The following NKAIN2 variants were observed in gnomAD, a reference collection of about 807,000 sequenced individuals.
NKAIN2 encodes the protein sodium/potassium-transporting ATPase subunit beta-1-interacting protein 2.
In NKAIN2, 14 loss-of-function variants were observed where a neutral mutation model predicts 32.6. The observed-to-expected ratio is 0.43, with a 90% CI of 0.28 to 0.67. The LOEUF (loss-of-function observed/expected upper bound fraction) is 0.67, where lower values mean the gene tolerates loss of function less well. Among genes scored for constraint, NKAIN2 ranks in the 30% least tolerant of loss-of-function variants. NKAIN2 has a pLI of 0.17. For synonymous variants in NKAIN2, 80 were observed against 87.2 expected (o/e 0.92, Z 0.46); for missense variants, 198 against 258.3 (o/e 0.77, Z 1.60).
chr6:124,452,536 AC>A (rs1344141922), intron 3 of NKAIN2, among the ~76,000 whole-genome samples: 6 of 152,128 alleles, frequency 3.9e-5, no homozygotes, highest in Non-Finnish European at 4.4e-5. Context: ...TAAATATGTA[AC>A]CTTTTTACTG....
chr6:124,594,667 T>C (rs1044044528), intron 3 of NKAIN2, among the ~76,000 whole-genome samples: 3 of 152,090 alleles, frequency 2.0e-5, no homozygotes, highest in Non-Finnish European at 4.4e-5. Context: ...CAGAGATGAA[T>C]GTACCGAGAG....
At chr6:124,042,006 T>G (rs1054319473) in intron 1 of NKAIN2, among the ~76,000 whole-genome samples, 3 of 152,060 alleles carry the variant, frequency 2.0e-5, no homozygotes, top group African/African-American at 7.2e-5. Context: ...ACTTCTAAAC[T>G]CTAAATATAA....
In NKAIN2 at chr6:124,823,739, T is replaced by C. The variant is rs1781486172; in HGVS notation, c.*510T>C. ...TGCCATGATGACCTTGTACCCGAAG[T>C]CCGAAATGGCAGATTGTTTGCCCTA... On this transcript the variant is annotated 3_prime_UTR_variant, in exon 7 of 7. Transcript: ENST00000368417. 6.3e-6 allele frequency: 1 copy of C among 157,896 alleles called. No individual in the cohort carries two copies. Among genetic ancestry groups the C allele is most frequent in the African/African-American group, 2.4e-5 (1 of 41,468 alleles). 9.8% of individuals were successfully genotyped at this position (157,896 alleles called of 1,614,324 possible).
In NKAIN2 at chr6:124,823,203, T is replaced by C. The variant is rs1781461202; in HGVS notation, c.618-17T>C. 1 of 1,565,140 alleles carries C rather than the reference T, an allele frequency of 6.4e-7. No homozygotes were observed. Among genetic ancestry groups the C allele is most frequent in the Non-Finnish European group, 8.8e-7 (1 of 1,134,576 alleles). ...TCACTTTCCCCCTTGACTAAAAACA[T>C]CTTTTCTCTCTCTCAGGTCAAAATA... On this transcript the variant is annotated splice_polypyrimidine_tract_variant and intron_variant, in intron 6 of 6. Coordinates refer to ENST00000368417, the MANE Select transcript of NKAIN2 (RefSeq NM_001040214.3).
intron 4 of NKAIN2, among the ~76,000 whole-genome samples, chr6:124,679,565 G>A (rs1014337571): frequency 5.9e-5 from 9 of 152,198 alleles, no homozygotes; most frequent in Admixed American, 3.9e-4. Context: ...ATCACCTGGG[G>A]TTTAGCAGTC....
At chr6:124,318,304 C>T (rs1437282572) in intron 2 of NKAIN2, among the ~76,000 whole-genome samples, 1 of 151,884 alleles carries the variant, frequency 6.6e-6, no homozygotes, top group East Asian at 1.9e-4. Flanking sequence ...CTTTGTCACA[C>T]TTTGCCTCAG....
intron 1 of NKAIN2, among the ~76,000 whole-genome samples, chr6:124,218,089 T>TAA (rs879634146): frequency 2.8e-5 from 4 of 142,368 alleles, no homozygotes; most frequent in Admixed American, 7.1e-5. Flanking sequence ...AAGTGTATGT[T>TAA]AAAAAAAAAA....
At chr6:124,153,354 A>ATTCTATGTTTGAT (rs1787827225) in intron 1 of NKAIN2, among the ~76,000 whole-genome samples, 1 of 151,828 alleles carries the variant, frequency 6.6e-6, no homozygotes, top group Admixed American at 6.6e-5. Context: ...CAATTTTAGA[A>ATTCTATGTTTGAT]TTCTATGTTT....
At chr6:124,343,721 C>A (rs980526353) in intron 2 of NKAIN2, among the ~76,000 whole-genome samples, 86 of 149,706 alleles carry the variant, frequency 5.7e-4, no homozygotes, top group Admixed American at 1.9e-3. Flanking sequence ...ATTGTAGATT[C>A]TGGATATTAG....
chr6:124,379,063 G>C (rs1800111642), intron 3 of NKAIN2, among the ~76,000 whole-genome samples: 1 of 144,482 alleles, frequency 6.9e-6, no homozygotes, highest in South Asian at 2.4e-4. Context: ...CTGCACTCCA[G>C]CCTGGACAAC....
chr6:123,930,909 A>T (rs1201490632), intron 1 of NKAIN2, among the ~76,000 whole-genome samples: 1 of 152,158 alleles, frequency 6.6e-6, no homozygotes, highest in Non-Finnish European at 1.5e-5. Context: ...TATACGATTA[A>T]TAGAAATTCA....
rs552284849 is a variant in NKAIN2 at position 124,705,485 on chromosome 6, C to A, written c.474+47099C>A. On this transcript the variant is annotated intron_variant, in intron 4 of 6. Coordinates refer to ENST00000368417, the MANE Select transcript of NKAIN2 (RefSeq NM_001040214.3). Reference sequence around the variant, plus strand: ...GAACATTGTAAGAAAGAATTGAACCCTAAGTGGAGAAAAGAAGAGTGCCTG... The same window carrying A: ...GAACATTGTAAGAAAGAATTGAACCATAAGTGGAGAAAAGAAGAGTGCCTG... 1.1e-4 allele frequency among the ~76,000 whole-genome samples: 17 copies of A among 152,076 alleles called. No homozygotes were observed. In the East Asian group the frequency reaches 3.3e-3, roughly 29 times the overall value.
intron 4 of NKAIN2, among the ~76,000 whole-genome samples, chr6:124,683,313 T>C (rs1257565266): frequency 6.6e-6 from 1 of 152,130 alleles, no homozygotes; most frequent in South Asian, 2.1e-4. Flanking sequence ...GTGATGCCAT[T>C]AGGGACTTTT....
At chr6:124,541,124 C>T (rs963537860) in intron 3 of NKAIN2, among the ~76,000 whole-genome samples, 2 of 151,374 alleles carry the variant, frequency 1.3e-5, no homozygotes, top group African/African-American at 2.5e-5. Flanking sequence ...TACATACACA[C>T]ATATACACAC....
rs564336343 is a variant in NKAIN2 at position 124,653,284 on chromosome 6, G to T, written c.274-4902G>T. ...ACAGTAATTAAAACAGTGTGGTATT[G>T]GCAAAAGAAGAGACAAATAGATCAA... On this transcript the variant is annotated intron_variant, in intron 3 of 6. Coordinates refer to ENST00000368417, the MANE Select transcript of NKAIN2 (RefSeq NM_001040214.3). 2.6e-4 allele frequency among the ~76,000 whole-genome samples: 39 copies of T among 152,022 alleles called. No individual in the cohort carries two copies. In the South Asian group the frequency reaches 8.1e-3, roughly 32 times the overall value.
At position 124,046,536 on chromosome 6, in the gene NKAIN2, C is replaced by G. The variant is rs543659027; in HGVS notation, c.55-236469C>G. Reference sequence around the variant, plus strand: ...TTGACCCTTCTTGATTCTGTATAAGCCTTTTTAACATTTCTTAGTATAGCA... The same window carrying G: ...TTGACCCTTCTTGATTCTGTATAAGGCTTTTTAACATTTCTTAGTATAGCA... On this transcript the variant is annotated intron_variant, in intron 1 of 6. Transcript: ENST00000368417. Among the ~76,000 whole-genome samples the G allele has an allele frequency of 9.4e-4, 143 of 152,048 alleles. 1 individual carries two copies. Among genetic ancestry groups the G allele is most frequent in the African/African-American group, 3.2e-3 (133 of 41,508 alleles).
intron 1 of NKAIN2, among the ~76,000 whole-genome samples, chr6:123,965,049 G>A (rs1172486525): frequency 6.6e-6 from 1 of 152,064 alleles, no homozygotes; most frequent in Non-Finnish European, 1.5e-5. Context: ...TACCCAGAAT[G>A]TCTGTGTCTT....
intron 1 of NKAIN2, among the ~76,000 whole-genome samples, chr6:124,064,755 A>G (rs2114864372): frequency 6.6e-6 from 1 of 152,272 alleles, no homozygotes; most frequent in African/African-American, 2.4e-5. Context: ...AGCTTGCAAC[A>G]GTTTCCAGTG....
Position 124,166,790 on chromosome 6 carries a change from C to T in NKAIN2, c.55-116215C>T, listed in dbSNP as rs1483433214. On this transcript the variant is annotated intron_variant, in intron 1 of 6. Coordinates refer to ENST00000368417, the MANE Select transcript of NKAIN2 (RefSeq NM_001040214.3). ...TAAATAGGGAATCCTTTCCCCATTG[C>T]TTGTTTTTGTCAGGTTTGTCAAAGA... Among the ~76,000 whole-genome samples, 28 of 149,726 alleles carry T rather than the reference C, an allele frequency of 1.9e-4. No homozygotes were observed. The South Asian group carries it at 5.5e-3, about 29-fold the overall frequency.
Sources: allele counts gnomAD v4.1 joint callset (sites outside exome capture counted in the v4.1 genomes callset), GRCh38; gene constraint gnomAD v4.1.1; transcripts MANE v1.5; gene names NCBI Gene and HGNC (gene_info 2026-07-23, HGNC 2026-07-21).